The following PTPRT variants were observed in gnomAD, a reference collection of about 807,000 sequenced individuals.
PTPRT encodes receptor-type tyrosine-protein phosphatase T.
A neutral mutation model predicts 176.8 loss-of-function variants in PTPRT; 56 were observed. That is an observed-to-expected ratio of 0.32 (90% CI 0.26 to 0.40). The LOEUF is 0.40. Ranked by LOEUF, PTPRT falls within the 10% of genes least tolerant of loss-of-function variation. The pLI, the probability that PTPRT is intolerant of heterozygous loss-of-function variation, is 1.00. For synonymous variants in PTPRT, 783 were observed against 739.0 expected, an observed-to-expected ratio of 1.06 and a Z score of -0.96; for missense variants, 1,540 against 1,908.2, an observed-to-expected ratio of 0.81 and a Z score of 3.60.
intron 5 of PTPRT, among the ~76,000 whole-genome samples, chr20:42,759,003 T>C (rs1250436896): frequency 6.6e-6 from 1 of 152,106 alleles, no homozygotes; most frequent in Non-Finnish European, 1.5e-5. Context: ...GCCCCGGAAA[T>C]TCCCAAAGTA....
chr20:42,951,131 C>T lies in PTPRT; in HGVS notation c.89-65199G>A, dbSNP rs145942848. Among the ~76,000 whole-genome samples the T allele has an allele frequency of 6.7e-4, 102 of 151,890 alleles. 1 individual carries two copies. The highest frequency in any genetic ancestry group is 2.3e-3 in the African/African-American group (95 of 41,392). On this transcript the variant is annotated intron_variant, in intron 1 of 30. Coordinates refer to ENST00000373187, the MANE Select transcript of PTPRT (RefSeq NM_007050.6). ...AGAATGAAGGATGGATGGAGGGATG[C>T]ATGGATGGGTATTAATCGTGGATGT...
chr20:42,170,876 A>G (rs1395041405), intron 16 of PTPRT, among the ~76,000 whole-genome samples: 1 of 152,222 alleles, frequency 6.6e-6, no homozygotes, highest in Non-Finnish European at 1.5e-5. Flanking sequence ...ACGTGTAAAG[A>G]GTTCTCCACC....
At chr20:43,084,846 T>G (rs2144881) in intron 1 of PTPRT, among the ~76,000 whole-genome samples, 69,845 of 152,044 alleles carry the variant, frequency 0.46, 16,660 homozygotes, top group East Asian at 0.75. Flanking sequence ...TGTCTCTAGA[T>G]GACAGGATTA....
At chr20:42,770,010 C>A (rs2077039785) in intron 5 of PTPRT, among the ~76,000 whole-genome samples, 1 of 152,108 alleles carries the variant, frequency 6.6e-6, no homozygotes, top group Admixed American at 6.5e-5. Flanking sequence ...ACTTTGGACG[C>A]CATGCAAATA....
At chr20:42,721,619 G>T (rs1408125368) in intron 6 of PTPRT, among the ~76,000 whole-genome samples, 3 of 152,196 alleles carry the variant, frequency 2.0e-5, no homozygotes, top group Admixed American at 6.5e-5. Context: ...GCAGTTTGGG[G>T]TGTGAATGGA....
At chr20:42,683,772 C>A (rs994923772) in intron 6 of PTPRT, among the ~76,000 whole-genome samples, 9 of 152,182 alleles carry the variant, frequency 5.9e-5, no homozygotes, top group African/African-American at 2.2e-4. Flanking sequence ...GGCCAGGGTT[C>A]AAGCTTTCCT....
At chr20:42,202,485 T>C (rs771060400) in intron 15 of PTPRT, among the ~76,000 whole-genome samples, 1 of 152,154 alleles carries the variant, frequency 6.6e-6, no homozygotes, top group Non-Finnish European at 1.5e-5. Context: ...AAATGAAGCA[T>C]TGGATTGGTC....
At chr20:42,329,473 G>GCGCA (rs752186518) in intron 11 of PTPRT, among the ~76,000 whole-genome samples, 1 of 144,992 alleles carries the variant, frequency 6.9e-6, no homozygotes, top group African/African-American at 2.5e-5. Context: ...GAATATAGTG[G>GCGCA]CACACACACA....
chr20:42,831,256 T>A (rs1450369277), intron 2 of PTPRT, among the ~76,000 whole-genome samples: 1 of 152,054 alleles, frequency 6.6e-6, no homozygotes, highest in Non-Finnish European at 1.5e-5. Context: ...TTGACAAGGC[T>A]GATAAAAACA....
chr20:42,681,085 G>A (rs2075595099), intron 6 of PTPRT, among the ~76,000 whole-genome samples: 1 of 152,164 alleles, frequency 6.6e-6, no homozygotes, highest in Non-Finnish European at 1.5e-5. Context: ...ACAGGTACTG[G>A]TGGTTCAAAG....
chr20:43,094,662 G>A (rs910399797), intron 1 of PTPRT, among the ~76,000 whole-genome samples: 1 of 152,056 alleles, frequency 6.6e-6, no homozygotes, highest in African/African-American at 2.4e-5. Flanking sequence ...CTCCCAAAGT[G>A]CTGGGATTAC....
chr20:42,141,569 G>A (rs1009184199), intron 18 of PTPRT, among the ~76,000 whole-genome samples: 1 of 152,160 alleles, frequency 6.6e-6, no homozygotes, highest in Non-Finnish European at 1.5e-5. Context: ...GGGGTCTTCC[G>A]CATGTCAGCC....
chr20:42,384,019 G>C (rs1299600729), intron 9 of PTPRT, among the ~76,000 whole-genome samples: 1 of 152,186 alleles, frequency 6.6e-6, no homozygotes, highest in Non-Finnish European at 1.5e-5. Context: ...ACGACAATAT[G>C]GATGGAAGAT....
Position 42,836,644 on chromosome 20 carries a change from G to A in PTPRT, c.215-45178C>T, listed in dbSNP as rs543257056. The stretch of plus-strand genomic sequence containing the variant: ...ACACAAGGGGATGAGCCGAGCTTTG[G>A]AACCAAACAGCCCTGGGTTTGAATC... On this transcript the variant is annotated intron_variant, in intron 2 of 30. Coordinates refer to ENST00000373187, the MANE Select transcript of PTPRT (RefSeq NM_007050.6). 3.9e-5 allele frequency among the ~76,000 whole-genome samples: 6 copies of A among 152,300 alleles called. No homozygotes were observed. In the East Asian group the frequency reaches 1.2e-3, roughly 29 times the overall value.
chr20:42,920,696 A>T (rs1164826566), intron 1 of PTPRT, among the ~76,000 whole-genome samples: 1 of 152,208 alleles, frequency 6.6e-6, no homozygotes, highest in Non-Finnish European at 1.5e-5. Context: ...GCAGAATCAC[A>T]TTCTTCCTTT....
intron 5 of PTPRT, among the ~76,000 whole-genome samples, chr20:42,769,044 G>A (rs937062753): frequency 1.3e-5 from 2 of 152,196 alleles, no homozygotes; most frequent in African/African-American, 4.8e-5. Context: ...CTTCTTGGCA[G>A]CCTAATACAC....
At chr20:42,184,024 G>A (rs913430933) in intron 16 of PTPRT, among the ~76,000 whole-genome samples, 2 of 152,130 alleles carry the variant, frequency 1.3e-5, no homozygotes, top group Non-Finnish European at 2.9e-5. Context: ...GGTTGAATAT[G>A]CAAATGAGGG....
chr20:42,492,698 T>C (rs1431437434), intron 7 of PTPRT, among the ~76,000 whole-genome samples: 1 of 152,174 alleles, frequency 6.6e-6, no homozygotes, highest in Non-Finnish European at 1.5e-5. Flanking sequence ...GATTTTTAAA[T>C]CTGTCCTTTG....
intron 7 of PTPRT, among the ~76,000 whole-genome samples, chr20:42,531,030 CT>C (rs1414672077): frequency 6.6e-6 from 1 of 152,198 alleles, no homozygotes; most frequent in African/African-American, 2.4e-5. Context: ...AATGTAACTC[CT>C]ACTGCCACCT....
Sources: allele counts gnomAD v4.1 joint callset (sites outside exome capture counted in the v4.1 genomes callset), GRCh38; gene constraint gnomAD v4.1.1; transcripts MANE v1.5; gene names NCBI Gene and HGNC (gene_info 2026-07-23, HGNC 2026-07-21).